Variants in TRMT11 observed in about 807,000 individuals in gnomAD.
TRMT11 encodes tRNA methyltransferase 11.
Under a neutral mutation model 62.8 loss-of-function variants are expected in TRMT11, and 53 were observed. That is an observed-to-expected ratio of 0.84 (90% confidence interval 0.68 to 1.06). The LOEUF (loss-of-function observed/expected upper bound fraction) is 1.06, where lower values mean the gene tolerates loss of function less well. Ranked by LOEUF, TRMT11 falls within the 50% of genes least tolerant of loss-of-function variation. The probability of loss-of-function intolerance (pLI) is 0.00; values close to 1 mark genes in which losing one functional copy is unlikely to be tolerated. For missense variants in TRMT11, 556 were observed against 553.4 expected (o/e 1.00, Z -0.05); for synonymous variants, 188 against 190.3 (o/e 0.99, Z 0.10).
At chr6:126,130,580 T>G (rs1259697513) in intron 21 of TRMT11, among the ~76,000 whole-genome samples, 2 of 34,204 alleles carry the variant, frequency 5.8e-5, no homozygotes, top group South Asian at 5.3e-4. Flanking sequence ...TGTTTTACTG[T>G]TTTTTTTTGT....
intron 17 of TRMT11, among the ~76,000 whole-genome samples, chr6:126,109,929 G>A (rs139737183): frequency 1.7e-3 from 258 of 152,292 alleles, no homozygotes; most frequent in African/African-American, 6.0e-3. Context: ...CCAGGTCTGG[G>A]TTGGCACCAA....
chr6:126,107,526 C>A (rs58399568), intron 17 of TRMT11, among the ~76,000 whole-genome samples: 8,121 of 152,082 alleles, frequency 0.053, 257 homozygotes, highest in East Asian at 0.09. Flanking sequence ...CCAGCCCTTG[C>A]GAGTAAAATA....
At chr6:126,266,010 C>T in the TRMT11 span, among the ~76,000 whole-genome samples, 1 of 152,124 alleles carries the variant, frequency 6.6e-6, no homozygotes, top group African/African-American at 2.4e-5. Flanking sequence ...GATTATGAGC[C>T]ATCTTTTTTA....
In TRMT11 at chr6:126,165,158, A is replaced by G. The variant is rs537731688; in HGVS notation, c.*1824-9667A>G. ...CTGGGCGTAGTGGTGGGTGCCTATA[A>G]TCCCAGCTACTCAGGAGGCTGAGGC... On this transcript the variant is annotated intron_variant and NMD_transcript_variant, in intron 21 of 22. Coordinates refer to the TRMT11 transcript ENST00000648977. Among the ~76,000 whole-genome samples, 27 of 152,074 alleles carry G rather than the reference A, an allele frequency of 1.8e-4. 1 individual carries two copies. The East Asian group carries it at 5.0e-3, about 28-fold the overall frequency.
At chr6:126,133,956 T>C (rs773280606) in intron 21 of TRMT11, among the ~76,000 whole-genome samples, 28 of 151,906 alleles carry the variant, frequency 1.8e-4, no homozygotes, top group Non-Finnish European at 3.2e-4. Context: ...AAACCTTCTG[T>C]AATGAGTTGA....
intron 21 of TRMT11, among the ~76,000 whole-genome samples, chr6:126,147,949 T>C (rs1363727576): frequency 1.3e-5 from 2 of 152,066 alleles, no homozygotes. Flanking sequence ...CTAATGTAGA[T>C]GACGGGTTGA....
At chr6:126,165,220 C>G (rs1254989241) in intron 21 of TRMT11, among the ~76,000 whole-genome samples, 13 of 150,858 alleles carry the variant, frequency 8.6e-5, no homozygotes, top group Non-Finnish European at 1.9e-4. Flanking sequence ...GGAGGTTGCA[C>G]TGAGCCGAGA....
intron 17 of TRMT11, among the ~76,000 whole-genome samples, chr6:126,057,022 ATCAAAGGAAC>A (rs1393308024): frequency 6.6e-6 from 1 of 152,196 alleles, no homozygotes; most frequent in Non-Finnish European, 1.5e-5. Flanking sequence ...GTGCAATTTT[ATCAAAGGAAC>A]CCTAAGCCTA....
intron 21 of TRMT11, among the ~76,000 whole-genome samples, chr6:126,131,208 A>G (rs535607537): frequency 6.6e-4 from 100 of 152,208 alleles, no homozygotes; most frequent in African/African-American, 2.4e-3. Flanking sequence ...GGCATGAAAT[A>G]TAAGAATTAT....
intron 2 of TRMT11, among the ~76,000 whole-genome samples, chr6:125,995,439 GC>G (rs1356077111): frequency 6.6e-6 from 1 of 152,122 alleles, no homozygotes; most frequent in Non-Finnish European, 1.5e-5. Context: ...TGCACTTGGA[GC>G]TTTTTTCCCC....
At chr6:126,189,884 A>G (rs1303322197) in intron 1 of TRMT11, among the ~76,000 whole-genome samples, 2 of 152,010 alleles carry the variant, frequency 1.3e-5, no homozygotes, top group African/African-American at 4.8e-5. Context: ...AAGCCCTTTT[A>G]TTCTTTGATT....
the TRMT11 span, among the ~76,000 whole-genome samples, chr6:126,262,092 G>A: frequency 3.3e-5 from 5 of 152,354 alleles, no homozygotes; most frequent in East Asian, 9.7e-4. Flanking sequence ...TCATGCTGGT[G>A]TAGTGGAACC....
rs201872521 is a variant in TRMT11 at position 126,127,486 on chromosome 6, CT to C, written c.*1823+11641del. On this transcript the variant is annotated intron_variant and NMD_transcript_variant, in intron 21 of 22. Transcript: ENST00000648977. ...TTATTTAAAGAAGAGCCATCCAAAT[CT>C]TTTTTTTTTAATTATACTTTAAGTT... Among the ~76,000 whole-genome samples, 425 of 149,126 alleles carry C rather than the reference CT, an allele frequency of 2.8e-3. 3 individuals carry two copies. Among genetic ancestry groups the C allele is most frequent in the Admixed American group, 0.02 (298 of 14,936 alleles).
chr6:126,007,530 T>A (rs1469801325), intron 7 of TRMT11, among the ~76,000 whole-genome samples: 1 of 151,962 alleles, frequency 6.6e-6, no homozygotes, highest in Non-Finnish European at 1.5e-5. Flanking sequence ...TTTGAATGAT[T>A]AAAAAAAGTG....
chr6:126,089,706 G>T (rs921680854), intron 17 of TRMT11, among the ~76,000 whole-genome samples: 2 of 152,076 alleles, frequency 1.3e-5, no homozygotes, highest in African/African-American at 4.8e-5. Context: ...AATGGTAGAG[G>T]TTTTCTTCTT....
At chr6:126,255,551 G>T in the TRMT11 span, among the ~76,000 whole-genome samples, 1 of 152,136 alleles carries the variant, frequency 6.6e-6, no homozygotes, top group African/African-American at 2.4e-5. Context: ...CATATCAAAT[G>T]CTCTTGCTTT....
chr6:126,192,057 T>C (rs1020350053), intron 1 of TRMT11, among the ~76,000 whole-genome samples: 5 of 152,158 alleles, frequency 3.3e-5, no homozygotes, highest in Admixed American at 6.5e-5. Flanking sequence ...ATTTTAACAG[T>C]ATTAATTATC....
chr6:126,151,516 T>C (rs956691248), intron 21 of TRMT11, among the ~76,000 whole-genome samples: 3 of 152,196 alleles, frequency 2.0e-5, no homozygotes, highest in African/African-American at 4.8e-5. Flanking sequence ...ACTATACTTA[T>C]AACCTTACAC....
At chr6:126,113,628 C>T (rs1238489864) in intron 18 of TRMT11, among the ~76,000 whole-genome samples, 1 of 152,066 alleles carries the variant, frequency 6.6e-6, no homozygotes, top group Non-Finnish European at 1.5e-5. Context: ...ACGTGGGATA[C>T]AGTGATGATC....
Sources: gnomAD v4.1 joint callset for allele counts (sites outside exome capture counted in the v4.1 genomes callset) on GRCh38, gnomAD v4.1.1 for gene constraint, MANE v1.5 for transcripts, NCBI Gene and HGNC (gene_info 2026-07-23, HGNC 2026-07-21) for gene names.